The following IFNGR2 variants were observed in gnomAD, a reference collection of about 807,000 sequenced individuals.
The protein encoded by IFNGR2 is interferon gamma receptor 2, also known as IFN-gamma receptor 2.
In IFNGR2, 15 loss-of-function variants were observed where a neutral mutation model predicts 41.1. The observed-to-expected ratio is 0.37, with a 90% CI of 0.24 to 0.56. The LOEUF (loss-of-function observed/expected upper bound fraction) is 0.56, where lower values mean the gene tolerates loss of function less well. Among genes scored for constraint, IFNGR2 ranks in the 20% least tolerant of loss-of-function variants. The pLI is 0.81. For missense variants in IFNGR2, 362 were observed against 415.7 expected (o/e 0.87, Z 1.12); for synonymous variants, 161 against 171.6 (o/e 0.94, Z 0.48).
chr21:33,432,137 A>G, intron 4 of IFNGR2, 40 bp from the exon 5 acceptor site: 1 of 1,590,072 alleles, frequency 6.3e-7, no homozygotes, highest in Admixed American at 1.7e-5. Context: ...CAGCTTGGCC[A>G]TGTTCATTTA....
chr21:33,437,171 T>G lies in IFNGR2; in HGVS notation c.*209T>G. 1 of 560,108 alleles carries G rather than the reference T, an allele frequency of 1.8e-6. No individual in the cohort carries two copies. Among genetic ancestry groups the G allele is most frequent in the Non-Finnish European group, 3.2e-6 (1 of 315,668 alleles). 34.7% of individuals were successfully genotyped at this position (560,108 alleles called of 1,614,324 possible). A position where few individuals can be genotyped will look rare whatever the true frequency, so the allele number is the denominator to read the frequency against. On this transcript the variant is annotated 3_prime_UTR_variant, in exon 7 of 7. Transcript: ENST00000290219. ...GAATTTTCAAAATCAAATTCCAGAA[T>G]GATTTTACGGAGATATCCCAGGAAA...
At chr21:33,405,788 T>G (rs569291348) in intron 1 of IFNGR2, among the ~76,000 whole-genome samples, 2 of 152,248 alleles carry the variant, frequency 1.3e-5, no homozygotes, top group African/African-American at 4.8e-5. Flanking sequence ...CCCAGCACTT[T>G]GGGAGGCTGA....
At chr21:33,431,973 C>T (rs1252669998) in intron 4 of IFNGR2, among the ~76,000 whole-genome samples, 1 of 152,258 alleles carries the variant, frequency 6.6e-6, no homozygotes, top group Non-Finnish European at 1.5e-5. Context: ...AAACACAGTT[C>T]TAAAGCTATC....
chr21:33,403,590 T>TCGC lies in IFNGR2; in HGVS notation c.60_62dup (p.Ala22dup), dbSNP rs765468464. The TCGC allele has an allele frequency of 2.6e-5, 35 of 1,369,986 alleles. No homozygotes were observed. The highest frequency in any genetic ancestry group is 4.8e-5 in the South Asian group (3 of 62,178). The allele number at this position is 1,369,986 out of a possible 1,614,324, so 84.9% of individuals were successfully genotyped here. ...TCGCTGCTGCTGCTGCTCGGAGTCT[T>TCGC]CGCCGCCGCCGCCGCGGCCCCGCCA... On this transcript the variant is annotated inframe_insertion, in exon 1 of 7. Transcript: ENST00000290219.
chr21:33,427,543 G>T (rs11909789), intron 4 of IFNGR2, among the ~76,000 whole-genome samples: 3,942 of 152,266 alleles, frequency 0.026, 175 homozygotes, highest in African/African-American at 0.089. Context: ...CAGGTGCTTA[G>T]ATTGGTCAGA....
intron 5 of IFNGR2, 110 bp from the exon 6 acceptor site, chr21:33,432,604 C>G: frequency 8.1e-7 from 1 of 1,238,274 alleles, no homozygotes; most frequent in Admixed American, 1.7e-5. Context: ...AGGGACTTGC[C>G]CATTTTACTA....
rs141648307 is a variant in IFNGR2, at chr21:33,432,310, T to C, written c.695T>C (p.Ile232Thr). The change falls in exon 5 of 7, where the codon ATA becomes ACA. Residue 232 changes from isoleucine to threonine, a missense_variant. By Grantham distance (89) the Ile-to-Thr change is moderately conservative. Transcript: ENST00000290219. ...TTTAGAGTCGGGCATTTAAGCAACA[T>C]ATCTTGCTACGAAACAATGGCAGAT... ...NIFRVGHLSN[I>T]SCYETMADAS... 24 of 1,614,038 alleles carry C rather than the reference T, an allele frequency of 1.5e-5. No homozygotes were observed. The African/African-American group carries it at 3.1e-4, about 21-fold the overall frequency.
chr21:33,434,964 C>T (rs888855202), intron 6 of IFNGR2, among the ~76,000 whole-genome samples: 3 of 152,122 alleles, frequency 2.0e-5, no homozygotes, highest in African/African-American at 4.8e-5. Flanking sequence ...AAAGAACATC[C>T]GCCAAAGGTC....
Position 33,435,177 on chromosome 21 carries a change from A to C in IFNGR2, c.880-1651A>C, listed in dbSNP as rs937678099. Among the ~76,000 whole-genome samples the C allele has an allele frequency of 2.0e-5, 3 of 152,308 alleles. No individual in the cohort carries two copies. In the South Asian group the frequency reaches 6.2e-4, roughly 32 times the overall value. ...GGCTAAGCCTAAAGCCTGCGGGAGC[A>C]AAAGGGAAATTAATCGCTGGGAAAC... On this transcript the variant is annotated intron_variant, in intron 6 of 6. Transcript: ENST00000290219.
upstream of IFNGR2, chr21:33,403,301 G>T (rs2083653290): frequency 1.2e-5 from 2 of 163,940 alleles, no homozygotes; most frequent in Non-Finnish European, 2.6e-5. Flanking sequence ...CCAGGGCCGC[G>T]GTTCCCGGAG....
chr21:33,404,003 T>C (rs540986918), intron 1 of IFNGR2, among the ~76,000 whole-genome samples: 61 of 152,144 alleles, frequency 4.0e-4, no homozygotes, highest in African/African-American at 1.4e-3. Context: ...GCCGGTAACC[T>C]CGGCTGCGCC....
Position 33,432,169 on chromosome 21 carries a change from TA to T in IFNGR2, c.562-4del. 2 of 1,613,648 alleles carry T rather than the reference TA, an allele frequency of 1.2e-6. No homozygotes were observed. The highest frequency in any genetic ancestry group is 1.7e-6 in the Non-Finnish European group (2 of 1,179,520). On this transcript the variant is annotated splice_polypyrimidine_tract_variant and splice_region_variant and intron_variant, in intron 4 of 6. Transcript: ENST00000290219. ...TTTACATGTGTGCTTGTGATGTTTT[TA>T]AAACAGGTCAAAGGCCCTTTCAGAA...
chr21:33,429,056 T>C (rs982176630), intron 4 of IFNGR2, among the ~76,000 whole-genome samples: 4 of 152,164 alleles, frequency 2.6e-5, no homozygotes, highest in African/African-American at 9.7e-5. Context: ...CTTAGCACCA[T>C]GTCACTTAGC....
Position 33,436,725 on chromosome 21 carries a change from A to T in IFNGR2, c.880-103A>T. The T allele has an allele frequency of 9.3e-6, 9 of 964,622 alleles. No individual in the cohort carries two copies. The South Asian group carries it at 1.4e-4, about 15-fold the overall frequency. The allele number at this position is 964,622 out of a possible 1,614,324, so 59.8% of individuals were successfully genotyped here. ...CAAGAGTAAGACTCCATCTCAAAAA[A>T]AAAATAAAAATAAAAATAAAATAAA... On this transcript the variant is annotated intron_variant, in intron 6 of 6. Coordinates refer to ENST00000290219, the MANE Select transcript of IFNGR2 (RefSeq NM_005534.4).
Position 33,432,992 on chromosome 21 carries a change from T to C in IFNGR2, c.879+121T>C, listed in dbSNP as rs1033086578. ...CCTCCATCTCCCAGGTTCAAGCGAT[T>C]CTCCTGCCTCAGCCTCCTGAGTAGC... On this transcript the variant is annotated intron_variant, in intron 6 of 6. Transcript: ENST00000290219. 3 of 822,096 alleles carry C rather than the reference T, an allele frequency of 3.6e-6. No individual in the cohort carries two copies. The African/African-American group carries it at 5.1e-5, about 14-fold the overall frequency. The allele number at this position is 822,096 out of a possible 1,614,324, so 50.9% of individuals were successfully genotyped here. A position where few individuals can be genotyped will look rare whatever the true frequency, so the allele number is the denominator to read the frequency against.
chr21:33,415,120 T>C lies in IFNGR2; in HGVS notation c.206+100T>C, dbSNP rs912500622. ...GTCCCTGCCTCTGTGCAGGGTTTGT[T>C]ATCAAACCCGTGGGAAACACATCGT... On this transcript the variant is annotated intron_variant, in intron 2 of 6. Coordinates refer to ENST00000290219, the MANE Select transcript of IFNGR2 (RefSeq NM_005534.4). The C allele has an allele frequency of 6.4e-6, 9 of 1,412,720 alleles. No individual in the cohort carries two copies. In the East Asian group the frequency reaches 1.6e-4, roughly 25 times the overall value. The allele number at this position is 1,412,720 out of a possible 1,614,324, so 87.5% of individuals were successfully genotyped here. A position where few individuals can be genotyped will look rare whatever the true frequency, so the allele number is the denominator to read the frequency against.
intron 1 of IFNGR2, among the ~76,000 whole-genome samples, chr21:33,406,770 C>T (rs766134663): frequency 1.3e-5 from 2 of 151,838 alleles, no homozygotes; most frequent in Non-Finnish European, 2.9e-5. Flanking sequence ...ACCTCAGCCT[C>T]CTGAGTAGCT....
chr21:33,407,308 A>G (rs933878538), intron 1 of IFNGR2, among the ~76,000 whole-genome samples: 5 of 152,034 alleles, frequency 3.3e-5, no homozygotes, highest in Non-Finnish European at 7.4e-5. Flanking sequence ...AGTCCCCAGC[A>G]ACTTAAAAAC....
intron 4 of IFNGR2, among the ~76,000 whole-genome samples, chr21:33,430,351 A>T (rs2083875274): frequency 6.6e-6 from 1 of 152,278 alleles, no homozygotes; most frequent in Non-Finnish European, 1.5e-5. Flanking sequence ...CTGCCCTGGC[A>T]GTCCAACACC....
Sources: gnomAD v4.1 joint callset for allele counts (sites outside exome capture counted in the v4.1 genomes callset) on GRCh38, gnomAD v4.1.1 for gene constraint, MANE v1.5 for transcripts, NCBI Gene and HGNC (gene_info 2026-07-23, HGNC 2026-07-21) for gene names.